The following ELK3 variants were observed in gnomAD, a reference collection of about 807,000 sequenced individuals.
ELK3 encodes ETS domain-containing protein Elk-3.
ELK3 carries 10 observed loss-of-function variants against 28.9 expected under a neutral mutation model. That is an observed-to-expected ratio of 0.35 (90% CI 0.21 to 0.59). The LOEUF is 0.59. Among genes scored for constraint, ELK3 ranks in the 20% least tolerant of loss-of-function variants. The pLI is 0.82. For missense variants in ELK3, 463 were observed against 517.3 expected, an observed-to-expected ratio of 0.90 and a Z score of 1.02; for synonymous variants, 272 against 243.5, an observed-to-expected ratio of 1.12 and a Z score of -1.09.
intron 3 of ELK3, among the ~76,000 whole-genome samples, chr12:96,248,101 G>A (rs1416582287): frequency 6.6e-6 from 1 of 152,184 alleles, no homozygotes; most frequent in African/African-American, 2.4e-5. Context: ...AAATTTTTAT[G>A]GCAGAATCTT....
At position 96,247,989 on chromosome 12, in the gene ELK3, G is replaced by GGT. The variant is rs753871374; in HGVS notation, c.1002+257_1002+258dup. 2.6e-5 allele frequency among the ~76,000 whole-genome samples: 4 copies of GGT among 152,164 alleles called. No individual in the cohort carries two copies. The highest frequency in any genetic ancestry group is 5.9e-5 in the Non-Finnish European group (4 of 68,036). ...CTTTTAGCGGCCTAAAGTGACCATA[G>GGT]GTGGAACACGCACACTGGCCGACAA... is the stretch of plus-strand genomic sequence containing the variant. On this transcript the variant is annotated intron_variant, in intron 3 of 4. Transcript: ENST00000228741. This position sits in a 1 kb window ranked among gnomAD's most constrained non-coding sequence, Gnocchi z 5.5.
At chr12:96,224,348 T>C (rs1951685008) in intron 2 of ELK3, among the ~76,000 whole-genome samples, 2 of 151,394 alleles carry the variant, frequency 1.3e-5, no homozygotes, top group African/African-American at 4.9e-5. Flanking sequence ...GAATCCTGTC[T>C]CAGGATTGTG....
intron 3 of ELK3, among the ~76,000 whole-genome samples, chr12:96,253,062 A>G (rs1592689443): frequency 6.6e-6 from 1 of 152,338 alleles, no homozygotes; most frequent in East Asian, 1.9e-4. Context: ...GGAGTTCAAG[A>G]CCAGCCTGGC....
rs11835012 is a variant in ELK3, at chr12:96,217,818, G to A, written c.-2-5747G>A. On this transcript the variant is annotated intron_variant, in intron 1 of 4. Coordinates refer to ENST00000228741, the MANE Select transcript of ELK3 (RefSeq NM_005230.4). ...CTGGGCGTGGTGGTGCGCACCTGTG[G>A]TCCCAGCTACTTGGAAGGCTGAGGC... Among the ~76,000 whole-genome samples, 183 of 151,622 alleles carry A rather than the reference G, an allele frequency of 1.2e-3. 2 individuals carry two copies. The highest frequency in any genetic ancestry group is 4.1e-3 in the African/African-American group (170 of 41,300).
chr12:96,253,089 C>T (rs993487491), intron 3 of ELK3, among the ~76,000 whole-genome samples: 15 of 152,132 alleles, frequency 9.9e-5, no homozygotes, highest in Non-Finnish European at 1.6e-4. Flanking sequence ...GGCAAAACCC[C>T]GTCTCTACTA....
At chr12:96,217,057 C>A (rs1297777860) in intron 1 of ELK3, among the ~76,000 whole-genome samples, 1 of 152,176 alleles carries the variant, frequency 6.6e-6, no homozygotes, top group Admixed American at 6.5e-5. Context: ...GAGTTGGAGA[C>A]TCCTGAGCAA....
At chr12:96,209,638 GTAAA>G (rs1451009837) in intron 1 of ELK3, among the ~76,000 whole-genome samples, 3 of 152,146 alleles carry the variant, frequency 2.0e-5, no homozygotes, top group South Asian at 4.1e-4. Context: ...CTTAAAGTAA[GTAAA>G]TAAACATTTT....
At chr12:96,256,093 C>T (rs1038986315) in intron 3 of ELK3, among the ~76,000 whole-genome samples, 11 of 152,034 alleles carry the variant, frequency 7.2e-5, no homozygotes, top group Non-Finnish European at 1.3e-4. Context: ...GTTGATTTGG[C>T]GATGGGGTAC....
At chr12:96,248,670 C>T (rs566306890) in intron 3 of ELK3, among the ~76,000 whole-genome samples, 106 of 152,228 alleles carry the variant, frequency 7.0e-4, no homozygotes, top group African/African-American at 2.5e-3. Context: ...CATTGTTAAC[C>T]GTGGAGCTGC....
At chr12:96,240,462 G>T (rs1951813137) in intron 2 of ELK3, among the ~76,000 whole-genome samples, 1 of 152,160 alleles carries the variant, frequency 6.6e-6, no homozygotes, top group Non-Finnish European at 1.5e-5. Flanking sequence ...GAGGCAGATG[G>T]ATCAGTCCCC....
At chr12:96,261,726 A>G (rs533744040) in intron 4 of ELK3, among the ~76,000 whole-genome samples, 6 of 152,256 alleles carry the variant, frequency 3.9e-5, no homozygotes, top group Non-Finnish European at 8.8e-5. Context: ...ATGGAGCACT[A>G]TTGGCTGGGG....
chr12:96,201,644 C>T (rs1011624615), intron 1 of ELK3, among the ~76,000 whole-genome samples: 3 of 149,942 alleles, frequency 2.0e-5, no homozygotes, highest in Non-Finnish European at 3.0e-5. Flanking sequence ...CCTTTCAAGT[C>T]GGAAGCCCTA....
At chr12:96,262,787 A>G (rs917696902) in intron 4 of ELK3, among the ~76,000 whole-genome samples, 5 of 152,056 alleles carry the variant, frequency 3.3e-5, no homozygotes, top group Non-Finnish European at 5.9e-5. Flanking sequence ...TCAGATTACT[A>G]TCAGCAGTGC....
intron 1 of ELK3, among the ~76,000 whole-genome samples, chr12:96,207,766 C>T (rs1951547363): frequency 6.6e-6 from 1 of 152,132 alleles, no homozygotes; most frequent in African/African-American, 2.4e-5. Context: ...TCAGTATTAT[C>T]CAACTAAACC....
chr12:96,254,888 C>T (rs936076218), intron 3 of ELK3, among the ~76,000 whole-genome samples: 3 of 151,666 alleles, frequency 2.0e-5, no homozygotes, highest in South Asian at 2.1e-4. Flanking sequence ...AAGGCATCGT[C>T]GGCAGAGGAA....
At chr12:96,210,595 A>ACACC (rs1555193055) in intron 1 of ELK3, among the ~76,000 whole-genome samples, 1 of 150,208 alleles carries the variant, frequency 6.7e-6, no homozygotes, top group Non-Finnish European at 1.5e-5. Context: ...ACACACACAC[A>ACACC]CACCCCGAGT....
intron 1 of ELK3, among the ~76,000 whole-genome samples, chr12:96,219,031 G>T (rs537470104): frequency 6.6e-6 from 1 of 152,282 alleles, no homozygotes; most frequent in Non-Finnish European, 1.5e-5. Context: ...CATTTTTGAA[G>T]CTCAGAGTGG....
At chr12:96,231,931 C>T (rs1029590582) in intron 2 of ELK3, among the ~76,000 whole-genome samples, 3 of 152,110 alleles carry the variant, frequency 2.0e-5, no homozygotes, top group African/African-American at 4.8e-5. Flanking sequence ...AGACATGAAA[C>T]CAATTTTAGT....
chr12:96,221,737 C>G lies in ELK3; in HGVS notation c.-2-1828C>G, dbSNP rs542705692. On this transcript the variant is annotated intron_variant, in intron 1 of 4. Transcript: ENST00000228741. ...GGGGGCTTGCAAGATTTGTGAGATG[C>G]AGAGGTGGTTTTGACCCAGCAGTGA... Among the ~76,000 whole-genome samples the G allele has an allele frequency of 5.3e-5, 8 of 152,224 alleles. 1 individual carries two copies. In the South Asian group the frequency reaches 1.7e-3, roughly 32 times the overall value.
Sources: allele counts gnomAD v4.1 joint callset (sites outside exome capture counted in the v4.1 genomes callset), GRCh38; gene constraint gnomAD v4.1.1; non-coding constraint Gnocchi (gnomAD v3.1); transcripts MANE v1.5; gene names NCBI Gene and HGNC (gene_info 2026-07-23, HGNC 2026-07-21).